The following LYST variants were observed in gnomAD, a reference collection of about 807,000 sequenced individuals.
LYST encodes the protein lysosomal trafficking regulator, also known as lysosomal-trafficking regulator.
LYST carries 192 observed loss-of-function variants against 413.6 expected under a neutral mutation model. The observed-to-expected ratio is 0.46, with a 90% CI of 0.41 to 0.52. The LOEUF is 0.52. Among genes scored for constraint, LYST ranks in the 20% least tolerant of loss-of-function variants. The pLI, the probability that LYST is intolerant of heterozygous loss-of-function variation, is 0.00. For missense variants in LYST, 3,815 were observed against 4,499.9 expected, an observed-to-expected ratio of 0.85 and a Z score of 4.35; for synonymous variants, 1,525 against 1,567.3, an observed-to-expected ratio of 0.97 and a Z score of 0.64.
chr1:235,783,958 T>C (rs1443681783), intron 14 of LYST, among the ~76,000 whole-genome samples: 4 of 152,164 alleles, frequency 2.6e-5, no homozygotes, highest in Non-Finnish European at 5.9e-5. Context: ...TGGCTCACTG[T>C]AGCCTTGACT....
chr1:235,733,712 T>TC (rs765168603), intron 33 of LYST, 21 bp from the exon 34 acceptor site: 2 of 1,597,060 alleles, frequency 1.3e-6, no homozygotes, highest in South Asian at 2.2e-5. Flanking sequence ...AATAAGATTG[T>TC]CCATAGTTAA....
intron 1 of LYST, among the ~76,000 whole-genome samples, chr1:235,834,411 T>TA (rs926910716): frequency 2.6e-4 from 39 of 151,532 alleles, no homozygotes; most frequent in African/African-American, 6.3e-4. Flanking sequence ...TATTTTTATT[T>TA]AAAAAAAAAT....
intron 1 of LYST, chr1:235,839,623 C>CCCG (rs934210900): frequency 6.0e-5 from 9 of 150,916 alleles, no homozygotes; most frequent in African/African-American, 2.2e-4. Context: ...GAGAACCCCC[C>CCCG]CCACCACGCC....
At chr1:235,707,214 C>T (rs1032165855) in intron 44 of LYST, among the ~76,000 whole-genome samples, 1 of 152,324 alleles carries the variant, frequency 6.6e-6, no homozygotes, top group Non-Finnish European at 1.5e-5. Flanking sequence ...TAACCCCCTT[C>T]ACCCTATTTG....
intron 12 of LYST, among the ~76,000 whole-genome samples, chr1:235,790,415 C>G (rs988402328): frequency 1.2e-4 from 18 of 152,210 alleles, no homozygotes; most frequent in African/African-American, 4.1e-4. Flanking sequence ...TATATAGAAC[C>G]AGCTGAGCAA....
At position 235,766,131 on chromosome 1, in the gene LYST, A is replaced by G. The variant is rs1668121001; in HGVS notation, c.6069T>C (p.Thr2023=). Residue 2023 remains threonine (T), a synonymous_variant, in exon 21 of 53, where the codon ACT becomes ACC. Coordinates refer to ENST00000389793, the MANE Select transcript of LYST (RefSeq NM_000081.4). ...FNFLLAVHPP[T]NTYVCHNPTN... is the part of the protein sequence containing the mutation. ...TGGGATTGTGACAAACGTAAGTATT[A>G]GTAGGAGGGTGAACTGCTAAAAGGA... The G allele has an allele frequency of 6.2e-7, 1 of 1,613,574 alleles. No individual in the cohort carries two copies. Among genetic ancestry groups the G allele is most frequent in the Non-Finnish European group, 8.5e-7 (1 of 1,179,610 alleles).
chr1:235,806,262 G>C lies in LYST; in HGVS notation c.2874C>G (p.His958Gln). The C allele has an allele frequency of 6.2e-7, 1 of 1,613,906 alleles. No homozygotes were observed. The stretch of plus-strand genomic sequence containing the variant: ...ACATAGACCAAATGTCTGCTGCTTG[G>C]TGCATATGTTCAGGAGAAGGCAAGA... The part of the protein sequence containing the change: ...SLVLPSPEHM[H>Q]QAADIWSMCR... Residue 958 changes from histidine (H) to glutamine (Q), a missense_variant, in exon 6 of 53, where the codon CAC (histidine) becomes CAG (glutamine). His to Gln is a conservative substitution (Grantham distance 24, BLOSUM62 0). This residue lies in a region of LYST where 1,648 missense variants were observed against 1,810.3 expected (regional missense o/e 0.91). Transcript: ENST00000389793.
Position 235,700,460 on chromosome 1 carries a change from AGT to A in LYST, c.10374+2285_10374+2286del, listed in dbSNP as rs202126320. On this transcript the variant is annotated intron_variant, in intron 45 of 52. Transcript: ENST00000389793. ...ACTTCTCATAGAATATTTAAAGAGGAGTGCTTTATTGAAATGCTTTTTATACA... is the reference window on the plus strand; with the variant it reads ...ACTTCTCATAGAATATTTAAAGAGGAGCTTTATTGAAATGCTTTTTATACA... Among the ~76,000 whole-genome samples the A allele has an allele frequency of 7.3e-3, 1,119 of 152,322 alleles. 17 individuals are homozygous for A. The highest frequency in any genetic ancestry group is 0.026 in the African/African-American group (1,065 of 41,578).
chr1:235,718,897 T>C (rs754332329), intron 40 of LYST, among the ~76,000 whole-genome samples: 1 of 152,254 alleles, frequency 6.6e-6, no homozygotes, highest in African/African-American at 2.4e-5. Flanking sequence ...AAAGTATCAC[T>C]ATGACCTTAC....
At chr1:235,797,042 G>A (rs772605517) in intron 10 of LYST, among the ~76,000 whole-genome samples, 4 of 152,092 alleles carry the variant, frequency 2.6e-5, no homozygotes, top group Non-Finnish European at 2.9e-5. Context: ...ATATAAAATG[G>A]TATAGCCATT....
chr1:235,828,105 T>C (rs1675541847), intron 3 of LYST: 2 of 926,174 alleles, frequency 2.2e-6, no homozygotes, highest in Non-Finnish European at 2.6e-6. Flanking sequence ...TGGCTAACAC[T>C]ACAGACTAGC....
chr1:235,695,137 C>G (rs1038381919), intron 46 of LYST, among the ~76,000 whole-genome samples: 2 of 152,202 alleles, frequency 1.3e-5, no homozygotes, highest in Non-Finnish European at 2.9e-5. Context: ...AGGGTATTTA[C>G]AGGCCAATAA....
In LYST at chr1:235,779,081, G is replaced by T. The variant is rs2103467337; in HGVS notation, c.5215-1773C>A. Among the ~76,000 whole-genome samples the T allele has an allele frequency of 1.3e-5, 2 of 151,578 alleles. 1 individual carries two copies. The highest frequency in any genetic ancestry group is 4.8e-5 in the African/African-American group (2 of 41,288). ...AGGGTTTCACCATGTTGGCCAGGCT[G>T]GTCTCAAACTCCTGACCTCAGGTGA... On this transcript the variant is annotated intron_variant, in intron 16 of 52. Transcript: ENST00000389793.
chr1:235,724,185 GA>G lies in LYST; in HGVS notation c.9163-6del, dbSNP rs1425310417. 3 of 1,611,104 alleles carry G rather than the reference GA, an allele frequency of 1.9e-6. No homozygotes were observed. The highest frequency in any genetic ancestry group is 1.7e-5 in the Admixed American group (1 of 59,910). On this transcript the variant is annotated splice_region_variant and splice_polypyrimidine_tract_variant and intron_variant, in intron 38 of 52. Transcript: ENST00000389793. ...TTCCAACTCTCCCTGAAGGCTCTAAGACAAAGAAATAGGCAAAAATATTTGT... is the reference window on the plus strand; with the variant it reads ...TTCCAACTCTCCCTGAAGGCTCTAAGCAAAGAAATAGGCAAAAATATTTGT...
At chr1:235,812,932 T>G in intron 4 of LYST, 39 bp downstream of exon 4, 1 of 1,284,156 alleles carries the variant, frequency 7.8e-7, no homozygotes, top group Non-Finnish European at 1.1e-6. Context: ...CTATGAAATT[T>G]TGATAACACA....
chr1:235,846,091 C>T (rs1175876202), intron 1 of LYST, among the ~76,000 whole-genome samples: 1 of 152,152 alleles, frequency 6.6e-6, no homozygotes. Context: ...CATTAAACCA[C>T]CAAAGCTAAG....
upstream of LYST, among the ~76,000 whole-genome samples, chr1:235,868,392 C>T (rs192382117): frequency 6.6e-6 from 1 of 152,272 alleles, no homozygotes; most frequent in Admixed American, 6.5e-5. Flanking sequence ...CAAACTTAAC[C>T]TGTTTCGTCA....
In LYST at chr1:235,806,045, T is replaced by C. The variant is rs1672797398; in HGVS notation, c.3091A>G (p.Lys1031Glu). ...NQDLNRISQPKRTMKEDLLSL... is the reference protein window; with the variant it reads ...NQDLNRISQPERTMKEDLLSL... ...AATAAATCTTCCTTCATAGTTCTCT[T>C]AGGTTGAGAAATTCTGTTTAAATCC... is the stretch of plus-strand genomic sequence containing the variant. Residue 1031 changes from lysine (K) to glutamate (E), a missense_variant, in exon 6 of 53, where the codon AAG (lysine) becomes GAG (glutamate). Around this residue, in one of 4 missense-constraint regions of LYST, gnomAD observed 1,648 missense variants for 1,810.3 expected, o/e 0.91. Coordinates refer to ENST00000389793, the MANE Select transcript of LYST (RefSeq NM_000081.4). 6.2e-7 allele frequency: 1 copy of C among 1,613,918 alleles called. No homozygotes were observed.
intron 1 of LYST, among the ~76,000 whole-genome samples, chr1:235,849,877 T>C (rs1296041326): frequency 2.1e-4 from 31 of 149,174 alleles, no homozygotes; most frequent in Admixed American, 2.1e-3. Flanking sequence ...AAATCACAGA[T>C]GACACAAACA....
Sources: gnomAD v4.1 joint callset for allele counts (sites outside exome capture counted in the v4.1 genomes callset) on GRCh38, gnomAD v4.1.1 for gene constraint, gnomAD v4.1.1 regional missense constraint, MANE v1.5 for transcripts, NCBI Gene and HGNC (gene_info 2026-07-23, HGNC 2026-07-21) for gene names.